Variants in ZNF704 observed in about 807,000 individuals in gnomAD.
The protein encoded by ZNF704 is zinc finger protein 704.
ZNF704 carries 10 observed loss-of-function variants against 44.7 expected under a neutral mutation model. That is an observed-to-expected ratio of 0.22 (90% CI 0.14 to 0.38). The LOEUF (loss-of-function observed/expected upper bound fraction) is 0.38, where lower values mean the gene tolerates loss of function less well. Ranked by LOEUF, ZNF704 falls within the 10% of genes least tolerant of loss-of-function variation. The pLI is 1.00. For missense variants in ZNF704, 390 were observed against 545.5 expected, an observed-to-expected ratio of 0.71 and a Z score of 2.84; for synonymous variants, 211 against 207.6, an observed-to-expected ratio of 1.02 and a Z score of -0.14.
chr8:80,870,851 T>C (rs1349194745), intron 1 of ZNF704, among the ~76,000 whole-genome samples: 2 of 152,148 alleles, frequency 1.3e-5, no homozygotes, highest in African/African-American at 4.8e-5. Context: ...ACCATCTGCC[T>C]AACCACACCC....
intron 4 of ZNF704, among the ~76,000 whole-genome samples, chr8:80,679,638 G>A (rs1029236765): frequency 1.3e-5 from 2 of 152,184 alleles, no homozygotes; most frequent in African/African-American, 4.8e-5. Flanking sequence ...CGTCAGCAAA[G>A]ACCTCAAGTC....
chr8:80,844,593 G>T (rs907965407), intron 1 of ZNF704, among the ~76,000 whole-genome samples: 3 of 152,156 alleles, frequency 2.0e-5, no homozygotes, highest in Admixed American at 6.5e-5. Context: ...GGCGGAGCAG[G>T]TGGCTTTACC....
At chr8:80,749,144 C>T (rs751019781) in intron 2 of ZNF704, among the ~76,000 whole-genome samples, 36 of 152,240 alleles carry the variant, frequency 2.4e-4, no homozygotes, top group Non-Finnish European at 4.4e-4. Context: ...GACCAACAGC[C>T]TTCACCTCCC....
chr8:80,797,235 A>G (rs12548319), intron 2 of ZNF704, among the ~76,000 whole-genome samples: 15,117 of 152,156 alleles, frequency 0.099, 1,041 homozygotes, highest in South Asian at 0.32. Flanking sequence ...GCACACAGGT[A>G]GCTTTATAGT....
At chr8:80,788,717 G>C (rs1807655756) in intron 2 of ZNF704, among the ~76,000 whole-genome samples, 1 of 152,156 alleles carries the variant, frequency 6.6e-6, no homozygotes, top group Non-Finnish European at 1.5e-5. Context: ...CGACACCTGA[G>C]CCACTGCATA....
intron 1 of ZNF704, among the ~76,000 whole-genome samples, chr8:80,824,196 G>A (rs1196063524): frequency 6.6e-6 from 1 of 151,896 alleles, no homozygotes; most frequent in Non-Finnish European, 1.5e-5. Context: ...TTAGACGAAC[G>A]GCTAACTAGA....
chr8:80,806,527 A>G (rs2129816678), intron 2 of ZNF704, among the ~76,000 whole-genome samples: 1 of 152,342 alleles, frequency 6.6e-6, no homozygotes, highest in Non-Finnish European at 1.5e-5. Context: ...TATATTACTC[A>G]GAGTCTGGGA....
At chr8:80,743,601 G>A (rs1049779476) in intron 2 of ZNF704, among the ~76,000 whole-genome samples, 14 of 152,186 alleles carry the variant, frequency 9.2e-5, no homozygotes, top group African/African-American at 3.1e-4. Flanking sequence ...CTCCATTCTC[G>A]CTGATCTGGA....
intron 1 of ZNF704, among the ~76,000 whole-genome samples, chr8:80,838,199 T>G (rs963322943): frequency 2.0e-5 from 3 of 152,178 alleles, no homozygotes; most frequent in Non-Finnish European, 4.4e-5. Flanking sequence ...ATGGGTTAAA[T>G]AGTTCATTGC....
chr8:80,797,886 A>C lies in ZNF704; in HGVS notation c.221+23488T>G, dbSNP rs1807833615. 2.6e-5 allele frequency among the ~76,000 whole-genome samples: 4 copies of C among 152,104 alleles called. No individual in the cohort carries two copies. In the South Asian group the frequency reaches 8.3e-4, roughly 32 times the overall value. ...ACATGGCCAGGCTAAGAGTTTTCCA[A>C]ATCCTTCTGCTTTGCTTCTTTCTTG... On this transcript the variant is annotated intron_variant, in intron 2 of 8. Coordinates refer to ENST00000327835, the MANE Select transcript of ZNF704 (RefSeq NM_001033723.3).
chr8:80,755,282 G>A (rs372338843), intron 2 of ZNF704, among the ~76,000 whole-genome samples: 1 of 152,000 alleles, frequency 6.6e-6, no homozygotes, highest in Non-Finnish European at 1.5e-5. Flanking sequence ...CTGGCCAACA[G>A]GGTGAAACCC....
intron 2 of ZNF704, among the ~76,000 whole-genome samples, chr8:80,703,092 C>T (rs1159055865): frequency 6.6e-6 from 1 of 152,084 alleles, no homozygotes; most frequent in Non-Finnish European, 1.5e-5. Flanking sequence ...AACTCCAATG[C>T]AGGAAACACC....
In ZNF704 at chr8:80,705,808, C is replaced by A. The variant is rs1271907443; in HGVS notation, c.222-12701G>T. On this transcript the variant is annotated intron_variant, in intron 2 of 8. Coordinates refer to ENST00000327835, the MANE Select transcript of ZNF704 (RefSeq NM_001033723.3). ...CAAAGTCCTTGCTTGCTTCTTTGCACCCACTAAATATGAGCTTGCTACTCA... is the reference window on the plus strand; with the variant it reads ...CAAAGTCCTTGCTTGCTTCTTTGCAACCACTAAATATGAGCTTGCTACTCA... 3.3e-5 allele frequency among the ~76,000 whole-genome samples: 5 copies of A among 152,216 alleles called. No individual in the cohort carries two copies. In the South Asian group the frequency reaches 8.3e-4, roughly 25 times the overall value.
intron 2 of ZNF704, among the ~76,000 whole-genome samples, chr8:80,713,586 T>C (rs776468948): frequency 2.3e-4 from 35 of 152,306 alleles, no homozygotes; most frequent in Admixed American, 5.2e-4. Context: ...TAAGTATTCA[T>C]GAATAAGACA....
upstream of ZNF704, among the ~76,000 whole-genome samples, chr8:80,878,309 GAAGA>G (rs1203518486): frequency 7.0e-6 from 1 of 142,128 alleles, no homozygotes; most frequent in Non-Finnish European, 1.5e-5. Flanking sequence ...AGGAAGGAAG[GAAGA>G]AAATCAGGCT....
intron 7 of ZNF704, among the ~76,000 whole-genome samples, chr8:80,659,169 AT>A (rs1308842145): frequency 6.6e-6 from 1 of 152,178 alleles, no homozygotes; most frequent in African/African-American, 2.4e-5. Context: ...ATTTTGATGT[AT>A]TTTTTGAGCC....
intron 2 of ZNF704, among the ~76,000 whole-genome samples, chr8:80,753,502 C>A (rs1030705916): frequency 6.6e-6 from 1 of 151,758 alleles, no homozygotes; most frequent in African/African-American, 2.4e-5. Flanking sequence ...CAGTGCTGAG[C>A]CCAAACAACA....
At chr8:80,845,721 A>C (rs1313774310) in intron 1 of ZNF704, among the ~76,000 whole-genome samples, 2 of 152,178 alleles carry the variant, frequency 1.3e-5, no homozygotes, top group African/African-American at 4.8e-5. Flanking sequence ...AGAACACAAA[A>C]TATCTGCAAA....
intron 1 of ZNF704, among the ~76,000 whole-genome samples, chr8:80,864,246 T>C (rs1399278272): frequency 6.6e-6 from 1 of 152,184 alleles, no homozygotes; most frequent in Non-Finnish European, 1.5e-5. Flanking sequence ...ACTTATTTCT[T>C]TAATTATGCA....
Sources: gnomAD v4.1 joint callset for allele counts (sites outside exome capture counted in the v4.1 genomes callset) on GRCh38, gnomAD v4.1.1 for gene constraint, MANE v1.5 for transcripts, NCBI Gene and HGNC (gene_info 2026-07-23, HGNC 2026-07-21) for gene names.